MCPH1: variants seen among roughly 807,000 people sequenced by gnomAD.
The protein encoded by MCPH1 is microcephalin 1.
Under a neutral mutation model 84.5 loss-of-function variants are expected in MCPH1, and 104 were observed. That is an observed-to-expected ratio of 1.23 (90% CI 1.05 to 1.45). The LOEUF (loss-of-function observed/expected upper bound fraction) is 1.45. MCPH1 is among the 40% of genes most tolerant of loss of function. MCPH1 has a pLI of 0.00. For synonymous variants in MCPH1, 514 were observed against 366.8 expected (o/e 1.40, Z -4.58); for missense variants, 1,498 against 1,005.7 (o/e 1.49, Z -6.62).
chr8:6,486,525 G>C (rs1482108741), intron 11 of MCPH1, among the ~76,000 whole-genome samples: 2 of 152,202 alleles, frequency 1.3e-5, no homozygotes, highest in African/African-American at 4.8e-5. Flanking sequence ...GGCCCAGCTA[G>C]TCTTATCAGA....
At chr8:6,531,289 C>G (rs755529958) in intron 12 of MCPH1, among the ~76,000 whole-genome samples, 1 of 147,770 alleles carries the variant, frequency 6.8e-6, no homozygotes, top group South Asian at 2.2e-4. Context: ...TTCTTTCTTT[C>G]TTTCTTTTTT....
intron 12 of MCPH1, among the ~76,000 whole-genome samples, chr8:6,604,333 C>T (rs892248660): frequency 2.0e-5 from 3 of 152,176 alleles, no homozygotes; most frequent in South Asian, 4.1e-4. Flanking sequence ...AACTTTTGAC[C>T]GAGAAGTAGA....
At position 6,646,688 on chromosome 8, in the gene MCPH1, G is replaced by C. The variant is rs1586916100; in HGVS notation, c.*3639G>C. 1.3e-5 allele frequency: 2 copies of C among 152,188 alleles called. No homozygotes were observed. The highest frequency in any genetic ancestry group is 2.9e-5 in the Non-Finnish European group (2 of 68,038). 9.4% of individuals were successfully genotyped at this position (152,188 alleles called of 1,614,324 possible). A position where few individuals can be genotyped will look rare whatever the true frequency, so the allele number is the denominator to read the frequency against. ...GTGGAGAGCTGTCCTGTGCACTGTAGAATGTTTAGCTGCATCCTGGCCTCT... is the reference window on the plus strand; with the variant it reads ...GTGGAGAGCTGTCCTGTGCACTGTACAATGTTTAGCTGCATCCTGGCCTCT... On this transcript the variant is annotated 3_prime_UTR_variant, in exon 14 of 14. Coordinates refer to ENST00000344683, the MANE Select transcript of MCPH1 (RefSeq NM_024596.5).
chr8:6,601,456 G>C (rs1829352204), intron 12 of MCPH1, among the ~76,000 whole-genome samples: 1 of 151,624 alleles, frequency 6.6e-6, no homozygotes, highest in East Asian at 1.9e-4. Flanking sequence ...CCTCCTGCAG[G>C]GAGCCGGACG....
intron 12 of MCPH1, chr8:6,513,927 T>A (rs58784829): frequency 7.9e-7 from 1 of 1,264,596 alleles, no homozygotes; most frequent in East Asian, 2.4e-5. Flanking sequence ...CAACTTAACA[T>A]AGAATAACTA....
chr8:6,424,488 A>G (rs1316119219), intron 3 of MCPH1, among the ~76,000 whole-genome samples: 2 of 152,060 alleles, frequency 1.3e-5, no homozygotes, highest in Non-Finnish European at 2.9e-5. Context: ...CTCCATTCCT[A>G]TCCTACCAGC....
intron 7 of MCPH1, among the ~76,000 whole-genome samples, chr8:6,442,651 T>A (rs778451226): frequency 1.3e-5 from 2 of 152,208 alleles, no homozygotes; most frequent in Non-Finnish European, 2.9e-5. Context: ...CATACATGTT[T>A]GTAATGTGGG....
chr8:6,568,308 G>A (rs1435879890), intron 12 of MCPH1, among the ~76,000 whole-genome samples: 1 of 140,430 alleles, frequency 7.1e-6, no homozygotes, highest in East Asian at 2.1e-4. Flanking sequence ...CCCATCGCTA[G>A]CTGAATGTGG....
rs913782951 is a variant in MCPH1, at chr8:6,425,630, C to G, written c.234-5869C>G. 4.6e-5 allele frequency among the ~76,000 whole-genome samples: 7 copies of G among 152,238 alleles called. 1 individual carries two copies. Among genetic ancestry groups the G allele is most frequent in the African/African-American group, 1.7e-4 (7 of 41,454 alleles). ...CTCCCAAAGGAACAGAACACATCTTCCACAACTGTATAACCTATGTCAGGC... is the reference window on the plus strand; with the variant it reads ...CTCCCAAAGGAACAGAACACATCTTGCACAACTGTATAACCTATGTCAGGC... On this transcript the variant is annotated intron_variant, in intron 3 of 13. Coordinates refer to ENST00000344683, the MANE Select transcript of MCPH1 (RefSeq NM_024596.5).
intron 12 of MCPH1, among the ~76,000 whole-genome samples, chr8:6,574,572 C>G (rs1483179308): frequency 6.6e-6 from 1 of 152,092 alleles, no homozygotes; most frequent in Non-Finnish European, 1.5e-5. Context: ...TTGAAAACAC[C>G]TAAAGGGGAC....
intron 12 of MCPH1, chr8:6,514,696 G>C: frequency 6.2e-7 from 1 of 1,613,946 alleles, no homozygotes. Flanking sequence ...TTCTTTCCAA[G>C]TCCTCTGAAA....
chr8:6,512,788 T>C (rs1024244037), intron 12 of MCPH1, among the ~76,000 whole-genome samples: 4 of 152,244 alleles, frequency 2.6e-5, no homozygotes, highest in African/African-American at 4.8e-5. Context: ...CTATTACTTA[T>C]GATTATTGCT....
intron 9 of MCPH1, among the ~76,000 whole-genome samples, chr8:6,461,347 A>G (rs1181512013): frequency 5.7e-4 from 59 of 103,212 alleles, no homozygotes; most frequent in Admixed American, 2.3e-3. Context: ...TTTTTTTGAG[A>G]TGGAGTCTCG....
At chr8:6,626,725 G>A (rs1393221081) in intron 13 of MCPH1, 18 of 985,214 alleles carry the variant, frequency 1.8e-5, no homozygotes, top group Non-Finnish European at 2.2e-5. Context: ...GAAGGAACTT[G>A]GCTGGGGTGA....
intron 9 of MCPH1, among the ~76,000 whole-genome samples, chr8:6,457,537 G>A (rs1805828972): frequency 6.6e-6 from 1 of 152,102 alleles, no homozygotes; most frequent in African/African-American, 2.4e-5. Context: ...CCCAGGAAGG[G>A]GAGGTTGCAG....
intron 13 of MCPH1, chr8:6,634,751 C>T (rs1797420985): frequency 6.6e-6 from 1 of 152,236 alleles, no homozygotes; most frequent in Admixed American, 6.5e-5. Flanking sequence ...TACTGTTCTG[C>T]TCATCCTCCA....
intron 2 of MCPH1, among the ~76,000 whole-genome samples, chr8:6,411,322 A>G (rs1371346796): frequency 5.3e-5 from 8 of 152,204 alleles, no homozygotes; most frequent in African/African-American, 1.9e-4. Flanking sequence ...TGAAGGTTAT[A>G]GCATTTAGTA....
At chr8:6,628,469 CAAAAAA>C (rs34188003) in intron 13 of MCPH1, among the ~76,000 whole-genome samples, 1 of 41,606 alleles carries the variant, frequency 2.4e-5, no homozygotes, top group African/African-American at 7.5e-5. Flanking sequence ...GACTCTGTCT[CAAAAAA>C]AAAAAAAAAA....
Position 6,647,329 on chromosome 8 carries a change from G to C in MCPH1, c.*4280G>C, listed in dbSNP as rs1421051364. 3.3e-5 allele frequency: 5 copies of C among 152,180 alleles called. No individual in the cohort carries two copies. Among genetic ancestry groups the C allele is most frequent in the African/African-American group, 1.2e-4 (5 of 41,442 alleles). 9.4% of individuals were successfully genotyped at this position (152,180 alleles called of 1,614,324 possible). On this transcript the variant is annotated 3_prime_UTR_variant, in exon 14 of 14. Transcript: ENST00000344683. The stretch of plus-strand genomic sequence containing the variant: ...GAACTCTCCTACATTGCTGGCATGA[G>C]TGCAAAATGATACAGCCACTTTGAA...
Sources: gnomAD v4.1 joint callset for allele counts (sites outside exome capture counted in the v4.1 genomes callset) on GRCh38, gnomAD v4.1.1 for gene constraint, MANE v1.5 for transcripts, NCBI Gene and HGNC (gene_info 2026-07-23, HGNC 2026-07-21) for gene names.